Variants in TENT4B observed in about 807,000 individuals in gnomAD.
TENT4B encodes PAP associated domain containing 5.
Under a neutral mutation model 75.0 loss-of-function variants are expected in TENT4B, and 10 were observed. That is an observed-to-expected ratio of 0.13 (90% CI 0.08 to 0.23). The LOEUF (loss-of-function observed/expected upper bound fraction) is 0.23. Ranked by LOEUF, TENT4B falls within the 10% of genes least tolerant of loss-of-function variation. The probability of loss-of-function intolerance (pLI) is 1.00; values close to 1 mark genes in which losing one functional copy is unlikely to be tolerated. For synonymous variants in TENT4B, 350 were observed against 357.7 expected, an observed-to-expected ratio of 0.98 and a Z score of 0.24; for missense variants, 579 against 893.8, an observed-to-expected ratio of 0.65 and a Z score of 4.49.
chr16:50,220,299 T>G (rs897064716), intron 5 of TENT4B, among the ~76,000 whole-genome samples: 1 of 151,726 alleles, frequency 6.6e-6, no homozygotes, highest in African/African-American at 2.4e-5. Context: ...CTTTTTTATT[T>G]TATTTTTTAA....
chr16:50,165,024 A>C (rs989161491), intron 1 of TENT4B, among the ~76,000 whole-genome samples: 4 of 151,876 alleles, frequency 2.6e-5, no homozygotes, highest in Non-Finnish European at 5.9e-5. Context: ...ACTGCACTCC[A>C]GCCTGGGTGA....
Position 50,153,946 on chromosome 16 carries a change from A to C in TENT4B, c.325A>C (p.Thr109Pro). The C allele has an allele frequency of 6.5e-7, 1 of 1,533,592 alleles. No homozygotes were observed. The highest frequency in any genetic ancestry group is 8.7e-7 in the Non-Finnish European group (1 of 1,145,948). 95.0% of individuals were successfully genotyped at this position (1,533,592 alleles called of 1,614,324 possible). A position where few individuals can be genotyped will look rare whatever the true frequency, so the allele number is the denominator to read the frequency against. ...EQRDFLPLET[T>P]NNNNNHHQPG... Reference sequence around the variant, plus strand: ...GCGGGACTTCCTGCCCCTAGAGACGACCAACAACAACAACAACCACCACCA... The same window carrying C: ...GCGGGACTTCCTGCCCCTAGAGACGCCCAACAACAACAACAACCACCACCA... Residue 109 changes from threonine (T) to proline (P), a missense_variant, in exon 1 of 12, where the codon ACC (threonine) becomes CCC (proline). Coordinates refer to ENST00000561678, the MANE Select transcript of TENT4B (RefSeq NM_001365324.3).
At chr16:50,175,479 C>T (rs1402100649) in intron 1 of TENT4B, among the ~76,000 whole-genome samples, 1 of 152,044 alleles carries the variant, frequency 6.6e-6, no homozygotes, top group East Asian at 1.9e-4. Context: ...GATATAAGAT[C>T]TATGTCTGGA....
intron 1 of TENT4B, among the ~76,000 whole-genome samples, chr16:50,173,433 GA>G (rs1436434209): frequency 6.6e-6 from 1 of 152,172 alleles, no homozygotes; most frequent in Non-Finnish European, 1.5e-5. Context: ...CAAGGAGCAC[GA>G]TTGTTGGATC....
Position 50,217,764 on chromosome 16 carries a change from C to CTCTCTCTCTG in TENT4B, c.1038+110_1038+111insGTCTCTCTCT, listed in dbSNP as rs2031634953. ...TATTTTTATATGCATGTTGCTGTCT[C>CTCTCTCTCTG]TCTCTCTCTCTTTTAAATAGAGCTA... On this transcript the variant is annotated intron_variant, in intron 5 of 11. Transcript: ENST00000561678. The CTCTCTCTCTG allele has an allele frequency of 9.8e-6, 6 of 612,400 alleles. No individual in the cohort carries two copies. In the East Asian group the frequency reaches 1.6e-4, roughly 16 times the overall value. 37.9% of individuals were successfully genotyped at this position (612,400 alleles called of 1,614,324 possible).
chr16:50,166,100 T>TTTA (rs2038094506), intron 1 of TENT4B, among the ~76,000 whole-genome samples: 1 of 140,848 alleles, frequency 7.1e-6, no homozygotes, highest in Non-Finnish European at 1.5e-5. Flanking sequence ...TTTTTTTTTT[T>TTTA]GAGGTGAAGT....
rs190139988 is a variant in TENT4B at position 50,231,481 on chromosome 16, A to G, written c.*2153A>G. 7 of 985,780 alleles carry G rather than the reference A, an allele frequency of 7.1e-6. No homozygotes were observed. The East Asian group carries it at 7.9e-4, about 112-fold the overall frequency. 61.1% of individuals were successfully genotyped at this position (985,780 alleles called of 1,614,324 possible). A position where few individuals can be genotyped will look rare whatever the true frequency, so the allele number is the denominator to read the frequency against. On this transcript the variant is annotated 3_prime_UTR_variant, in exon 12 of 12. Coordinates refer to ENST00000561678, the MANE Select transcript of TENT4B (RefSeq NM_001365324.3). Reference sequence around the variant, plus strand: ...TTTTGTTGTTTTTTGTTTGTTTTTAAAGAATCACCCTCATTGTTGAAAGTA... The same window carrying G: ...TTTTGTTGTTTTTTGTTTGTTTTTAGAGAATCACCCTCATTGTTGAAAGTA...
In TENT4B at chr16:50,230,243, A is replaced by C; in HGVS notation, c.*915A>C. The C allele has an allele frequency of 1.0e-6, 1 of 979,102 alleles. No homozygotes were observed. Among genetic ancestry groups the C allele is most frequent in the Non-Finnish European group, 1.2e-6 (1 of 828,874 alleles). The allele number at this position is 979,102 out of a possible 1,614,324, so 60.7% of individuals were successfully genotyped here. A position where few individuals can be genotyped will look rare whatever the true frequency, so the allele number is the denominator to read the frequency against. On this transcript the variant is annotated 3_prime_UTR_variant, in exon 12 of 12. Transcript: ENST00000561678. ...GTCTTGGGCAATGGGCAATTACATG[A>C]CTTTGTGTTTGCTTCCTTTGCAGTC...
Position 50,233,077 on chromosome 16 carries a change from C to T in TENT4B, c.*3749C>T. ...GCACATTCTCAAAGTATTTTATGAG[C>T]AAAATATTCTATAAATGCGTCTAAC... is the stretch of plus-strand genomic sequence containing the variant. On this transcript the variant is annotated 3_prime_UTR_variant, in exon 12 of 12. Transcript: ENST00000561678. 1 of 984,268 alleles carries T rather than the reference C, an allele frequency of 1.0e-6. No individual in the cohort carries two copies. The highest frequency in any genetic ancestry group is 1.2e-6 in the Non-Finnish European group (1 of 828,986). 61.0% of individuals were successfully genotyped at this position (984,268 alleles called of 1,614,324 possible). A position where few individuals can be genotyped will look rare whatever the true frequency, so the allele number is the denominator to read the frequency against.
intron 10 of TENT4B, 57 bp downstream of exon 10, chr16:50,225,342 G>A: frequency 6.8e-7 from 1 of 1,477,254 alleles, no homozygotes; most frequent in Non-Finnish European, 9.2e-7. Context: ...TCTCTTGCTG[G>A]GGTTAACACT....
intron 1 of TENT4B, among the ~76,000 whole-genome samples, chr16:50,155,897 C>T (rs1484480298): frequency 6.6e-6 from 1 of 152,132 alleles, no homozygotes; most frequent in Non-Finnish European, 1.5e-5. Context: ...TTGCATTTTA[C>T]TGAAGCCTCT....
intron 1 of TENT4B, among the ~76,000 whole-genome samples, chr16:50,185,787 C>T (rs1596686574): frequency 2.0e-5 from 3 of 152,056 alleles, no homozygotes; most frequent in African/African-American, 7.2e-5. Context: ...ACACCCTTGG[C>T]ATACCTCTCA....
chr16:50,171,508 A>G (rs1320361778), intron 1 of TENT4B, among the ~76,000 whole-genome samples: 5 of 152,180 alleles, frequency 3.3e-5, no homozygotes, highest in Non-Finnish European at 7.3e-5. Flanking sequence ...TTTCGTCCTA[A>G]TAAGGGCCTT....
intron 1 of TENT4B, among the ~76,000 whole-genome samples, chr16:50,194,039 A>C (rs1305255870): frequency 6.6e-6 from 1 of 152,164 alleles, no homozygotes; most frequent in Non-Finnish European, 1.5e-5. Flanking sequence ...GAAAAGTCTG[A>C]GCCAGGATTT....
chr16:50,231,376 A>G lies in TENT4B; in HGVS notation c.*2048A>G. ...AGGGAACAATTATTTATAAAATAAT[A>G]TTAAATCCAGTATTAGCTGCCTATT... On this transcript the variant is annotated 3_prime_UTR_variant, in exon 12 of 12. Transcript: ENST00000561678. 3.1e-6 allele frequency: 3 copies of G among 981,026 alleles called. No individual in the cohort carries two copies. Among genetic ancestry groups the G allele is most frequent in the Non-Finnish European group, 3.6e-6 (3 of 825,496 alleles). 60.8% of individuals were successfully genotyped at this position (981,026 alleles called of 1,614,324 possible).
intron 1 of TENT4B, among the ~76,000 whole-genome samples, chr16:50,185,792 C>A (rs2038514826): frequency 6.6e-6 from 1 of 151,952 alleles, no homozygotes; most frequent in Non-Finnish European, 1.5e-5. Flanking sequence ...CTTGGCATAC[C>A]TCTCACTCCC....
intron 1 of TENT4B, among the ~76,000 whole-genome samples, chr16:50,210,280 G>A (rs909162411): frequency 4.6e-5 from 7 of 152,112 alleles, no homozygotes; most frequent in Admixed American, 6.6e-5. Flanking sequence ...TCTGTCCCCC[G>A]TCCTGACTAT....
chr16:50,189,705 G>A, intron 1 of TENT4B, among the ~76,000 whole-genome samples: 1 of 150,608 alleles, frequency 6.6e-6, no homozygotes, highest in Non-Finnish European at 1.5e-5. Flanking sequence ...AAAATACAGT[G>A]TTTTTCTACA....
intron 1 of TENT4B, among the ~76,000 whole-genome samples, chr16:50,167,520 AT>A (rs995987619): frequency 6.2e-5 from 9 of 145,528 alleles, no homozygotes; most frequent in Non-Finnish European, 1.1e-4. Context: ...TAATTTGTCT[AT>A]TTTTTTTTCT....
Sources: allele counts gnomAD v4.1 joint callset (sites outside exome capture counted in the v4.1 genomes callset), GRCh38; gene constraint gnomAD v4.1.1; transcripts MANE v1.5; gene names NCBI Gene and HGNC (gene_info 2026-07-23, HGNC 2026-07-21).